SORCS1: variants seen among roughly 807,000 people sequenced by gnomAD.
SORCS1 encodes the protein sortilin related VPS10 domain containing receptor 1.
A neutral mutation model predicts 146.1 loss-of-function variants in SORCS1; 60 were observed. That is an observed-to-expected ratio of 0.41 (90% CI 0.33 to 0.51). The LOEUF (loss-of-function observed/expected upper bound fraction) is 0.51. Among genes scored for constraint, SORCS1 ranks in the 20% least tolerant of loss-of-function variants. The pLI is 0.21. For synonymous variants in SORCS1, 637 were observed against 584.0 expected, an observed-to-expected ratio of 1.09 and a Z score of -1.31; for missense variants, 1,352 against 1,487.6, an observed-to-expected ratio of 0.91 and a Z score of 1.50.
At chr10:106,788,328 C>A (rs1312410420) in intron 3 of SORCS1, among the ~76,000 whole-genome samples, 1 of 152,078 alleles carries the variant, frequency 6.6e-6, no homozygotes, top group African/African-American at 2.4e-5. Context: ...ATTTAATAAC[C>A]AATTATGCCT....
At chr10:106,815,687 C>T (rs1298538952) in intron 3 of SORCS1, among the ~76,000 whole-genome samples, 1 of 152,096 alleles carries the variant, frequency 6.6e-6, no homozygotes, top group Non-Finnish European at 1.5e-5. Context: ...TGCTATGGCT[C>T]TCGGGAATTT....
At chr10:107,177,774 A>G in the SORCS1 span, among the ~76,000 whole-genome samples, 1 of 152,212 alleles carries the variant, frequency 6.6e-6, no homozygotes, top group Non-Finnish European at 1.5e-5. Flanking sequence ...AGCTATTTTG[A>G]AATTTGCAGC....
At chr10:106,963,793 T>G (rs1322272950) in intron 1 of SORCS1, among the ~76,000 whole-genome samples, 2 of 152,172 alleles carry the variant, frequency 1.3e-5, no homozygotes, top group Admixed American at 1.3e-4. Context: ...TTATTAAGCT[T>G]TGTTAAAAGG....
intron 2 of SORCS1, among the ~76,000 whole-genome samples, chr10:106,885,236 G>A (rs1950950954): frequency 1.4e-5 from 2 of 146,872 alleles, no homozygotes; most frequent in South Asian, 4.5e-4. Flanking sequence ...ATTTTCAACT[G>A]TATGTATGAT....
intron 1 of SORCS1, among the ~76,000 whole-genome samples, chr10:106,990,894 C>G (rs895452209): frequency 7.5e-6 from 1 of 133,180 alleles, no homozygotes; most frequent in African/African-American, 3.1e-5. Context: ...TTGAGGCACA[C>G]TACTCTTTTG....
intron 1 of SORCS1, among the ~76,000 whole-genome samples, chr10:107,090,642 C>T (rs1420015669): frequency 6.6e-6 from 1 of 152,168 alleles, no homozygotes; most frequent in African/African-American, 2.4e-5. Context: ...GCAGAACCTT[C>T]CAACACTAAG....
At chr10:106,928,434 C>G (rs897550201) in intron 2 of SORCS1, among the ~76,000 whole-genome samples, 1 of 152,240 alleles carries the variant, frequency 6.6e-6, no homozygotes, top group Non-Finnish European at 1.5e-5. Flanking sequence ...CCAGCTGGCC[C>G]GCAAGCGCCG....
chr10:106,797,757 C>T (rs1228677046), intron 3 of SORCS1, among the ~76,000 whole-genome samples: 1 of 152,164 alleles, frequency 6.6e-6, no homozygotes, highest in Non-Finnish European at 1.5e-5. Context: ...GCCAGATGCT[C>T]CCAGATGATG....
At chr10:106,978,458 G>A (rs1231668330) in intron 1 of SORCS1, among the ~76,000 whole-genome samples, 5 of 152,150 alleles carry the variant, frequency 3.3e-5, no homozygotes, top group Non-Finnish European at 5.9e-5. Context: ...AGTTTAATCT[G>A]ACAGCCATGT....
intron 2 of SORCS1, among the ~76,000 whole-genome samples, chr10:106,909,716 T>C (rs891632686): frequency 1.3e-5 from 2 of 152,200 alleles, no homozygotes; most frequent in African/African-American, 4.8e-5. Context: ...TATTTTTGGC[T>C]CCAACCTGGT....
At chr10:106,921,744 C>A (rs1305948003) in intron 2 of SORCS1, among the ~76,000 whole-genome samples, 1 of 152,116 alleles carries the variant, frequency 6.6e-6, no homozygotes, top group African/African-American at 2.4e-5. Context: ...TAAACTCTGT[C>A]GGTATTAATG....
At chr10:107,044,220 A>C (rs1169327572) in intron 1 of SORCS1, among the ~76,000 whole-genome samples, 1 of 152,104 alleles carries the variant, frequency 6.6e-6, no homozygotes, top group Non-Finnish European at 1.5e-5. Flanking sequence ...AATCTTATCT[A>C]ACCAAATAAA....
rs59313831 is a variant in SORCS1 at position 106,916,575 on chromosome 10, TACAC to T, written c.626+39934_626+39937del. On this transcript the variant is annotated intron_variant, in intron 2 of 25. Coordinates refer to ENST00000263054, the MANE Select transcript of SORCS1 (RefSeq NM_052918.5). ...TGATATATAATTGTGTGCATATATA[TACAC>T]ACACACACACACACACACACACATA... Among the ~76,000 whole-genome samples, 1,116 of 142,820 alleles carry T rather than the reference TACAC, an allele frequency of 7.8e-3. 11 individuals are homozygous for T. The highest frequency in any genetic ancestry group is 0.019 in the African/African-American group (736 of 39,080). 93.7% of individuals were successfully genotyped at this position (142,820 alleles called of 152,430 possible).
chr10:106,635,695 G>A (rs1848688263), intron 18 of SORCS1, among the ~76,000 whole-genome samples: 1 of 152,120 alleles, frequency 6.6e-6, no homozygotes, highest in Non-Finnish European at 1.5e-5. Flanking sequence ...ATTTAAATAT[G>A]GGTTAAGTAC....
intron 2 of SORCS1, among the ~76,000 whole-genome samples, chr10:106,916,419 G>T (rs770660040): frequency 1.3e-5 from 2 of 149,730 alleles, no homozygotes; most frequent in Non-Finnish European, 3.0e-5. Context: ...TGTGTGTGTG[G>T]GGGTATACAC....
chr10:107,124,958 T>TC (rs1235793201), intron 1 of SORCS1, among the ~76,000 whole-genome samples: 16 of 145,938 alleles, frequency 1.1e-4, no homozygotes, highest in Non-Finnish European at 2.0e-4. Context: ...TTTTTCTTTT[T>TC]TTTTTTTTTT....
chr10:106,902,519 A>G (rs530615672), intron 2 of SORCS1, among the ~76,000 whole-genome samples: 1 of 152,310 alleles, frequency 6.6e-6, no homozygotes, highest in East Asian at 1.9e-4. Flanking sequence ...TAATATAGAG[A>G]GCTTAAAAAA....
At chr10:106,669,691 G>A (rs552920165) in intron 16 of SORCS1, among the ~76,000 whole-genome samples, 8 of 152,326 alleles carry the variant, frequency 5.3e-5, no homozygotes, top group East Asian at 1.9e-4. Flanking sequence ...TGAAGATTTC[G>A]ATGATTTGAG....
chr10:107,072,322 T>A (rs1962499774), intron 1 of SORCS1, among the ~76,000 whole-genome samples: 1 of 152,158 alleles, frequency 6.6e-6, no homozygotes, highest in African/African-American at 2.4e-5. Context: ...TAATAATAAC[T>A]GGCACGCAAA....
Sources: gnomAD v4.1 joint callset for allele counts (sites outside exome capture counted in the v4.1 genomes callset) on GRCh38, gnomAD v4.1.1 for gene constraint, MANE v1.5 for transcripts, NCBI Gene and HGNC (gene_info 2026-07-23, HGNC 2026-07-21) for gene names.